The following PACRG variants were observed in gnomAD, a reference collection of about 807,000 sequenced individuals.
PACRG encodes the protein parkin coregulated gene protein.
A neutral mutation model predicts 29.7 loss-of-function variants in PACRG; 29 were observed. That is an observed-to-expected ratio of 0.98 (90% CI 0.73 to 1.33). The LOEUF is 1.33. Among genes scored for constraint, PACRG ranks in the 40% most tolerant of loss-of-function variants. PACRG has a pLI of 0.00. For missense variants in PACRG, 279 were observed against 316.2 expected (o/e 0.88, Z 0.89); for synonymous variants, 116 against 118.7 (o/e 0.98, Z 0.15).
At chr6:162,972,331 T>C (rs545332132) in intron 2 of PACRG, among the ~76,000 whole-genome samples, 1 of 152,312 alleles carries the variant, frequency 6.6e-6, no homozygotes, top group African/African-American at 2.4e-5. Context: ...GACTCGCACA[T>C]GTAGCAGTCT....
chr6:163,312,638 T>C, intron 4 of PACRG: 1 of 273,148 alleles, frequency 3.7e-6, no homozygotes, highest in Non-Finnish European at 7.3e-6. Context: ...TTCAAATGCA[T>C]ATCCATTTAC....
chr6:162,976,480 G>T (rs1259210368), intron 2 of PACRG, among the ~76,000 whole-genome samples: 1 of 152,176 alleles, frequency 6.6e-6, no homozygotes, highest in Non-Finnish European at 1.5e-5. Flanking sequence ...TACCCTCCAG[G>T]TTCTTATAAT....
intron 2 of PACRG, among the ~76,000 whole-genome samples, chr6:162,851,338 C>T (rs1223911473): frequency 6.6e-6 from 1 of 152,176 alleles, no homozygotes; most frequent in East Asian, 1.9e-4. Flanking sequence ...TGATCTCCTT[C>T]ATTCCCACAC....
chr6:163,071,628 C>T (rs1453273493), intron 3 of PACRG, among the ~76,000 whole-genome samples: 1 of 145,946 alleles, frequency 6.9e-6, no homozygotes, highest in Non-Finnish European at 1.5e-5. Flanking sequence ...TCTTAAAGAA[C>T]TAGAAAAGTA....
intron 4 of PACRG, chr6:163,313,779 A>T (rs2128194937): frequency 6.6e-6 from 1 of 152,350 alleles, no homozygotes; most frequent in East Asian, 1.9e-4. Flanking sequence ...CTTCCACCAT[A>T]GATAAGGCAG....
intron 1 of PACRG, among the ~76,000 whole-genome samples, chr6:162,788,243 A>G (rs763954585): frequency 6.6e-6 from 1 of 152,138 alleles, no homozygotes; most frequent in African/African-American, 2.4e-5. Flanking sequence ...CCAGAATGTC[A>G]TGCAGTTGGA....
At chr6:163,157,051 T>C (rs947570954) in intron 4 of PACRG, among the ~76,000 whole-genome samples, 1 of 152,186 alleles carries the variant, frequency 6.6e-6, no homozygotes, top group African/African-American at 2.4e-5. Context: ...GTTACGTTCA[T>C]CTTGGCGGTG....
chr6:162,957,430 C>A lies in PACRG; in HGVS notation c.292-104720C>A, dbSNP rs1232790829. 1.1e-5 allele frequency: 6 copies of A among 527,854 alleles called. No individual in the cohort carries two copies. In the Admixed American group the frequency reaches 1.1e-4, roughly 10 times the overall value. 32.7% of individuals were successfully genotyped at this position (527,854 alleles called of 1,614,324 possible). A position where few individuals can be genotyped will look rare whatever the true frequency, so the allele number is the denominator to read the frequency against. On this transcript the variant is annotated intron_variant, in intron 2 of 4. Transcript: ENST00000366888. The stretch of plus-strand genomic sequence containing the variant: ...CACAGCACGGACCCCTCAAAGTCTG[C>A]CTGGGCACACACCACATGCAGAGTT...
intron 3 of PACRG, among the ~76,000 whole-genome samples, chr6:163,065,429 T>A (rs1302282397): frequency 2.6e-5 from 4 of 152,102 alleles, no homozygotes; most frequent in Non-Finnish European, 5.9e-5. Context: ...GTCTGGAATC[T>A]CCGCATACGA....
chr6:162,902,881 T>C (rs1315939695), intron 2 of PACRG, among the ~76,000 whole-genome samples: 1 of 152,182 alleles, frequency 6.6e-6, no homozygotes, highest in African/African-American at 2.4e-5. Flanking sequence ...TTTCTTCAAT[T>C]CCAAAAGCAT....
chr6:163,282,477 G>A (rs766475790), intron 4 of PACRG, among the ~76,000 whole-genome samples: 1 of 152,100 alleles, frequency 6.6e-6, no homozygotes, highest in Admixed American at 6.6e-5. Flanking sequence ...TTGGGAGGAC[G>A]AGGCAGGTGG....
chr6:163,186,240 A>G (rs1233201674), intron 4 of PACRG, among the ~76,000 whole-genome samples: 2 of 152,190 alleles, frequency 1.3e-5, no homozygotes, highest in Non-Finnish European at 2.9e-5. Context: ...GGACCCCAAC[A>G]TAGCCTGCTG....
chr6:162,932,933 A>T (rs1797958541), intron 2 of PACRG, among the ~76,000 whole-genome samples: 1 of 151,346 alleles, frequency 6.6e-6, no homozygotes, highest in South Asian at 2.1e-4. Flanking sequence ...TTGCTTTTCT[A>T]ATTCTCTGAG....
intron 2 of PACRG, among the ~76,000 whole-genome samples, chr6:162,814,656 A>G (rs1479589479): frequency 6.6e-6 from 1 of 152,122 alleles, no homozygotes; most frequent in Non-Finnish European, 1.5e-5. Context: ...CCTGCAGGAC[A>G]CTTCCAAATG....
intron 4 of PACRG, among the ~76,000 whole-genome samples, chr6:163,230,847 G>C (rs2035863127): frequency 1.2e-5 from 1 of 84,234 alleles, no homozygotes; most frequent in African/African-American, 4.4e-5. Flanking sequence ...CTGGAGGAGA[G>C]AGGCCTTCAA....
At chr6:162,884,431 C>T (rs1005033674) in intron 2 of PACRG, among the ~76,000 whole-genome samples, 4 of 152,216 alleles carry the variant, frequency 2.6e-5, no homozygotes, top group African/African-American at 9.6e-5. Context: ...TATATACATG[C>T]ACACAAGTGT....
chr6:162,775,345 T>G (rs1783559423), intron 1 of PACRG, among the ~76,000 whole-genome samples: 1 of 152,226 alleles, frequency 6.6e-6, no homozygotes, highest in Non-Finnish European at 1.5e-5. Flanking sequence ...GAGTCTACAT[T>G]TGACCTCTGT....
chr6:163,178,162 C>A (rs923532817), intron 4 of PACRG, among the ~76,000 whole-genome samples: 2 of 152,148 alleles, frequency 1.3e-5, no homozygotes, highest in African/African-American at 4.8e-5. Context: ...TGCCTGGCAC[C>A]AGGGCTGCAG....
At chr6:163,148,141 A>G (rs1008381819) in intron 4 of PACRG, among the ~76,000 whole-genome samples, 1 of 152,146 alleles carries the variant, frequency 6.6e-6, no homozygotes, top group Non-Finnish European at 1.5e-5. Context: ...GTGTGTGTTG[A>G]GGGCGGGTAT....
Sources: allele counts gnomAD v4.1 joint callset (sites outside exome capture counted in the v4.1 genomes callset), GRCh38; gene constraint gnomAD v4.1.1; transcripts MANE v1.5; gene names NCBI Gene and HGNC (gene_info 2026-07-23, HGNC 2026-07-21).